Variants in PRKG2 observed in about 807,000 individuals in gnomAD.
PRKG2 encodes protein kinase cGMP-dependent 2, also known as cGMP-dependent protein kinase 2.
A neutral mutation model predicts 97.2 loss-of-function variants in PRKG2; 33 were observed. That is an observed-to-expected ratio of 0.34 (90% CI 0.26 to 0.45). The LOEUF (loss-of-function observed/expected upper bound fraction) is 0.45, where lower values mean the gene tolerates loss of function less well. PRKG2 is among the 20% of genes least tolerant of loss of function. The pLI, the probability that PRKG2 is intolerant of heterozygous loss-of-function variation, is 1.00. For missense variants in PRKG2, 638 were observed against 900.0 expected, an observed-to-expected ratio of 0.71 and a Z score of 3.73; for synonymous variants, 330 against 321.8, an observed-to-expected ratio of 1.03 and a Z score of -0.27.
chr4:81,173,601 A>G (rs1750671939), intron 3 of PRKG2, among the ~76,000 whole-genome samples: 1 of 152,150 alleles, frequency 6.6e-6, no homozygotes, highest in Non-Finnish European at 1.5e-5. Context: ...ATTAAGTAGA[A>G]TGATTCCTTG....
intron 15 of PRKG2, among the ~76,000 whole-genome samples, chr4:81,106,712 T>C (rs974052025): frequency 2.0e-5 from 3 of 152,198 alleles, no homozygotes; most frequent in African/African-American, 4.8e-5. Context: ...AATTCATTTG[T>C]TGAAACCCTA....
At chr4:81,186,703 A>T (rs1477602896) in intron 2 of PRKG2, among the ~76,000 whole-genome samples, 1 of 152,288 alleles carries the variant, frequency 6.6e-6, no homozygotes, top group Non-Finnish European at 1.5e-5. Context: ...TTTGGAAAAG[A>T]TTAACAAAAT....
At chr4:81,209,255 T>C (rs1753842803) in intron 1 of PRKG2, among the ~76,000 whole-genome samples, 1 of 152,224 alleles carries the variant, frequency 6.6e-6, no homozygotes, top group East Asian at 1.9e-4. Flanking sequence ...GGAATTAAGC[T>C]TTGTTTTCTG....
intron 17 of PRKG2, among the ~76,000 whole-genome samples, chr4:81,098,718 G>C (rs1182535663): frequency 6.6e-6 from 1 of 152,202 alleles, no homozygotes; most frequent in Middle Eastern, 3.4e-3. Flanking sequence ...AACATATATC[G>C]ATGAAGTTTG....
At position 81,155,954 on chromosome 4, in the gene PRKG2, G is replaced by A. The variant is rs563829127; in HGVS notation, c.913-2233C>T. On this transcript the variant is annotated intron_variant, in intron 6 of 18. Transcript: ENST00000264399. ...GCACTAAACATGGAAAGGAACAACC[G>A]GTACCAGCCACTGCAAAATCATGCC... Among the ~76,000 whole-genome samples the A allele has an allele frequency of 3.0e-3, 457 of 151,910 alleles. 1 individual carries two copies. The highest frequency in any genetic ancestry group is 9.4e-3 in the African/African-American group (388 of 41,426).
intron 14 of PRKG2, among the ~76,000 whole-genome samples, chr4:81,124,695 T>C (rs76870098): frequency 0.026 from 3,987 of 152,264 alleles, 173 homozygotes; most frequent in African/African-American, 0.091. Context: ...CTAATGGGTC[T>C]CTGAGCCTCC....
chr4:81,172,590 TTTC>T (rs1300232346), intron 3 of PRKG2, among the ~76,000 whole-genome samples: 1 of 152,170 alleles, frequency 6.6e-6, no homozygotes, highest in East Asian at 1.9e-4. Flanking sequence ...CTTCACTATT[TTTC>T]TTTTTTTGCC....
In PRKG2 at chr4:81,174,837, A is replaced by G; in HGVS notation, c.584T>C (p.Ile195Thr). ...YGRNYQQGSYIIKQGEPGNHI... is the reference protein window; with the variant it reads ...YGRNYQQGSYTIKQGEPGNHI... ...GTTTCCTGGTTCTCCTTGCTTAATA[A>G]TGTAACTCCCTTGCTGATAGTTTCT... is the stretch of plus-strand genomic sequence containing the variant. Residue 195 changes from isoleucine to threonine, a missense_variant, in exon 3 of 19, where the codon ATT becomes ACT. Ile to Thr is a moderately conservative substitution (Grantham distance 89). Coordinates refer to ENST00000264399, the MANE Select transcript of PRKG2 (RefSeq NM_006259.3). 1 of 1,613,250 alleles carries G rather than the reference A, an allele frequency of 6.2e-7. No individual in the cohort carries two copies. Among genetic ancestry groups the G allele is most frequent in the Non-Finnish European group, 8.5e-7 (1 of 1,179,436 alleles).
intron 1 of PRKG2, among the ~76,000 whole-genome samples, chr4:81,206,328 G>T (rs1438422115): frequency 6.6e-6 from 1 of 152,182 alleles, no homozygotes; most frequent in East Asian, 1.9e-4. Flanking sequence ...CATGTTGTGG[G>T]AGGGACCCAA....
At chr4:81,202,207 T>C (rs1157573962) in intron 2 of PRKG2, among the ~76,000 whole-genome samples, 3 of 152,190 alleles carry the variant, frequency 2.0e-5, no homozygotes, top group Non-Finnish European at 4.4e-5. Context: ...AAAAGAGATA[T>C]AAAAATATCC....
Position 81,144,350 on chromosome 4 carries a change from TA to T in PRKG2, c.1155-21del. 1 of 1,571,384 alleles carries T rather than the reference TA, an allele frequency of 6.4e-7. No individual in the cohort carries two copies. On this transcript the variant is annotated intron_variant, in intron 9 of 18. Coordinates refer to ENST00000264399, the MANE Select transcript of PRKG2 (RefSeq NM_006259.3). ...AATGTTCTAAATAGATAGAATAAAG[TA>T]AAATGCTCCGTGCTGATAGTTACCA...
chr4:81,155,189 A>AAAAAAAAAAAAG (rs1334427898), intron 6 of PRKG2, among the ~76,000 whole-genome samples: 51 of 148,320 alleles, frequency 3.4e-4, no homozygotes, highest in African/African-American at 1.3e-3. Flanking sequence ...AAAAAAAAAA[A>AAAAAAAAAAAAG]AAGAAGAATG....
At chr4:81,193,240 G>A (rs777952399) in intron 2 of PRKG2, 1 of 152,002 alleles carries the variant, frequency 6.6e-6, no homozygotes, top group Admixed American at 6.6e-5. Flanking sequence ...AAAACATATG[G>A]TAAGGCATAT....
At chr4:81,168,247 A>G (rs1043788468) in intron 5 of PRKG2, among the ~76,000 whole-genome samples, 3 of 152,080 alleles carry the variant, frequency 2.0e-5, no homozygotes, top group African/African-American at 7.2e-5. Context: ...GTGGCAAAAG[A>G]GATATAAGAA....
intron 2 of PRKG2, chr4:81,176,073 C>G (rs1473450756): frequency 6.6e-6 from 1 of 152,154 alleles, no homozygotes; most frequent in Non-Finnish European, 1.5e-5. Context: ...TCTTTCATGA[C>G]TCTATCCATC....
chr4:81,206,149 T>A (rs1427666111), intron 1 of PRKG2, among the ~76,000 whole-genome samples: 1 of 152,246 alleles, frequency 6.6e-6, no homozygotes, highest in East Asian at 1.9e-4. Context: ...AGAACTTGAA[T>A]GTGTGAACTT....
intron 2 of PRKG2, among the ~76,000 whole-genome samples, chr4:81,189,596 C>T (rs932464168): frequency 6.7e-5 from 10 of 149,452 alleles, no homozygotes; most frequent in Non-Finnish European, 1.2e-4. Context: ...GAACATCACA[C>T]TCTGGGGACT....
At chr4:81,216,536 TA>T (rs566069045), upstream of PRKG2, among the ~76,000 whole-genome samples, 8 of 151,980 alleles carry the variant, frequency 5.3e-5, 1 homozygote, top group East Asian at 1.9e-4. Context: ...GTCTTCACTT[TA>T]AAAAAAAATT....
intron 17 of PRKG2, among the ~76,000 whole-genome samples, chr4:81,092,777 T>C (rs898197708): frequency 2.0e-5 from 3 of 152,122 alleles, no homozygotes; most frequent in Non-Finnish European, 2.9e-5. Context: ...TCTCAATTCT[T>C]CCAGTTGCTC....
Sources: gnomAD v4.1 joint callset for allele counts (sites outside exome capture counted in the v4.1 genomes callset) on GRCh38, gnomAD v4.1.1 for gene constraint, MANE v1.5 for transcripts, NCBI Gene and HGNC (gene_info 2026-07-23, HGNC 2026-07-21) for gene names.